PDLIM1: variants seen among roughly 807,000 people sequenced by gnomAD.
PDLIM1 encodes the protein PDZ and LIM domain 1.
Under a neutral mutation model 35.2 loss-of-function variants are expected in PDLIM1, and 25 were observed. The observed-to-expected ratio is 0.71, with a 90% confidence interval of 0.52 to 0.99. The LOEUF (loss-of-function observed/expected upper bound fraction) is 0.99, where lower values mean the gene tolerates loss of function less well. PDLIM1 is among the 50% of genes least tolerant of loss of function. The pLI, the probability that PDLIM1 is intolerant of heterozygous loss-of-function variation, is 0.00. For missense variants in PDLIM1, 363 were observed against 415.3 expected, an observed-to-expected ratio of 0.87 and a Z score of 1.09; for synonymous variants, 152 against 154.0, an observed-to-expected ratio of 0.99 and a Z score of 0.10.
chr10:95,265,973 A>C (rs1238755771), intron 3 of PDLIM1, among the ~76,000 whole-genome samples: 1 of 151,998 alleles, frequency 6.6e-6, no homozygotes, highest in East Asian at 1.9e-4. Context: ...CCAACGCAAG[A>C]GGATCACCTG....
intron 4 of PDLIM1, among the ~76,000 whole-genome samples, chr10:95,261,457 G>A (rs371134542): frequency 1.2e-3 from 179 of 152,254 alleles, no homozygotes; most frequent in African/African-American, 4.1e-3. Context: ...TCCTCTCAGG[G>A]TGTGTCTGTG....
chr10:95,285,363 T>G (rs1314359237), intron 1 of PDLIM1, among the ~76,000 whole-genome samples: 1 of 152,252 alleles, frequency 6.6e-6, no homozygotes, highest in Middle Eastern at 3.4e-3. Flanking sequence ...TTATCCCTCA[T>G]GTTGAAGCCT....
chr10:95,268,658 A>T, intron 3 of PDLIM1, 120 bp downstream of exon 3: 1 of 720,520 alleles, frequency 1.4e-6, no homozygotes, highest in Admixed American at 2.0e-5. Flanking sequence ...ACCAGCAGAG[A>T]CAGTGAAGGG....
chr10:95,247,345 T>C lies in PDLIM1; in HGVS notation c.555A>G (p.Pro185=). 6.2e-7 allele frequency: 1 copy of C among 1,614,072 alleles called. No homozygotes were observed. Among genetic ancestry groups the C allele is most frequent in the Non-Finnish European group, 8.5e-7 (1 of 1,179,948 alleles). Residue 185 remains proline (P), a synonymous_variant, in exon 5 of 7, where the codon CCA becomes CCG. Transcript: ENST00000329399. ...ATTCTTTGTCGATGACAAGGCTGCTTGGAGGCTGAGCATGGTCTAAGCTGT... is the reference window on the plus strand; with the variant it reads ...ATTCTTTGTCGATGACAAGGCTGCTCGGAGGCTGAGCATGGTCTAAGCTGT... ...NSRPLDHAQP[P]SSLVIDKESE... is the part of the protein sequence containing the mutation.
In PDLIM1 at chr10:95,243,521, C is replaced by T. The variant is rs45549139; in HGVS notation, c.685+3694G>A. ...AAGCTCATGATTCTTAACCTTGCAC[C>T]TGGTGGTCCCCCATATCTAACTCGA... is the stretch of plus-strand genomic sequence containing the variant. On this transcript the variant is annotated intron_variant, in intron 5 of 6. Coordinates refer to ENST00000329399, the MANE Select transcript of PDLIM1 (RefSeq NM_020992.4). 4.9e-4 allele frequency among the ~76,000 whole-genome samples: 74 copies of T among 152,236 alleles called. 1 individual carries two copies. Among genetic ancestry groups the T allele is most frequent in the African/African-American group, 1.7e-3 (72 of 41,536 alleles).
chr10:95,258,656 G>A (rs1470011937), intron 4 of PDLIM1, among the ~76,000 whole-genome samples: 1 of 152,126 alleles, frequency 6.6e-6, no homozygotes, highest in East Asian at 1.9e-4. Context: ...TGGTTGCTAG[G>A]GGCTTGAGAG....
chr10:95,272,707 G>A (rs1589517037), intron 1 of PDLIM1, among the ~76,000 whole-genome samples: 1 of 151,948 alleles, frequency 6.6e-6, no homozygotes, highest in South Asian at 2.1e-4. Flanking sequence ...AAAAAAAATT[G>A]TTAAAAGCAA....
At position 95,248,886 on chromosome 10, in the gene PDLIM1, T is replaced by C. The variant is rs537172437; in HGVS notation, c.534-1520A>G. ...GTGTTGTCATGGCTCCCATGCTTCATCCAGGTCTCTGCTCAAGTGCACTCC... is the reference window on the plus strand; with the variant it reads ...GTGTTGTCATGGCTCCCATGCTTCACCCAGGTCTCTGCTCAAGTGCACTCC... On this transcript the variant is annotated intron_variant, in intron 4 of 6. Coordinates refer to ENST00000329399, the MANE Select transcript of PDLIM1 (RefSeq NM_020992.4). 3.3e-5 allele frequency among the ~76,000 whole-genome samples: 5 copies of C among 152,332 alleles called. No homozygotes were observed. The East Asian group carries it at 5.8e-4, about 18-fold the overall frequency.
At chr10:95,238,737 T>C (rs1718835974) in intron 5 of PDLIM1, 52 bp from the exon 6 acceptor site, 2 of 1,106,298 alleles carry the variant, frequency 1.8e-6, no homozygotes, top group African/African-American at 3.1e-5. Context: ...ATTGCATAAG[T>C]ATCACTCAGC....
At chr10:95,283,156 C>T (rs1188747918) in intron 1 of PDLIM1, among the ~76,000 whole-genome samples, 4 of 152,190 alleles carry the variant, frequency 2.6e-5, no homozygotes, top group African/African-American at 9.7e-5. Flanking sequence ...AATGAGACTG[C>T]ATTTGTAAAG....
At chr10:95,241,572 C>T (rs1034179807) in intron 5 of PDLIM1, among the ~76,000 whole-genome samples, 2 of 152,178 alleles carry the variant, frequency 1.3e-5, no homozygotes, top group African/African-American at 4.8e-5. Flanking sequence ...CACAGGGCAG[C>T]CCCACAACAA....
chr10:95,270,185 T>C (rs928906717), intron 2 of PDLIM1, among the ~76,000 whole-genome samples: 5 of 151,924 alleles, frequency 3.3e-5, no homozygotes, highest in Admixed American at 6.6e-5. Context: ...TGGACAAAGA[T>C]AGAAATGGAG....
intron 4 of PDLIM1, among the ~76,000 whole-genome samples, chr10:95,260,835 A>C (rs2035355216): frequency 6.6e-6 from 1 of 152,216 alleles, no homozygotes; most frequent in Non-Finnish European, 1.5e-5. Flanking sequence ...ACTTGTGCTG[A>C]CTGAGCAAGC....
At chr10:95,280,143 G>A (rs577534029) in intron 1 of PDLIM1, among the ~76,000 whole-genome samples, 3 of 152,286 alleles carry the variant, frequency 2.0e-5, no homozygotes, top group Admixed American at 2.0e-4. Context: ...TGGGAGGCCA[G>A]GGTGGGTGGA....
intron 4 of PDLIM1, among the ~76,000 whole-genome samples, chr10:95,262,039 T>C (rs1198522406): frequency 3.3e-5 from 5 of 151,340 alleles, no homozygotes; most frequent in Non-Finnish European, 7.4e-5. Context: ...AAAGAAATCT[T>C]AGTGTCCTCT....
intron 1 of PDLIM1, among the ~76,000 whole-genome samples, chr10:95,285,845 A>G (rs1384055314): frequency 2.0e-5 from 3 of 152,214 alleles, no homozygotes; most frequent in Non-Finnish European, 4.4e-5. Flanking sequence ...TGGTCTTAGA[A>G]TGGTGCCTGG....
chr10:95,265,211 T>TA lies in PDLIM1; in HGVS notation c.334-1149dup, dbSNP rs11353674. Among the ~76,000 whole-genome samples the TA allele has an allele frequency of 2.8e-3, 418 of 148,932 alleles. 3 individuals carry two copies. Among genetic ancestry groups the TA allele is most frequent in the African/African-American group, 7.4e-3 (303 of 40,672 alleles). On this transcript the variant is annotated intron_variant, in intron 3 of 6. Transcript: ENST00000329399. Reference sequence around the variant, plus strand: ...AATATTCAAGTCTTTTATGCTTTCTTAAAAAAAAAAAATCATGAAAACTAA... The same window carrying TA: ...AATATTCAAGTCTTTTATGCTTTCTTAAAAAAAAAAAAATCATGAAAACTAA...
chr10:95,289,943 G>T (rs1365769329), intron 1 of PDLIM1, among the ~76,000 whole-genome samples: 1 of 152,220 alleles, frequency 6.6e-6, no homozygotes, highest in South Asian at 2.1e-4. Flanking sequence ...CAGATTAAAT[G>T]GCCAAAGCCC....
chr10:95,282,821 G>A (rs1197739836), intron 1 of PDLIM1, among the ~76,000 whole-genome samples: 6 of 152,184 alleles, frequency 3.9e-5, no homozygotes, highest in African/African-American at 1.4e-4. Flanking sequence ...GCGCACGCTT[G>A]TAATCTCAGC....
Sources: gnomAD v4.1 joint callset for allele counts (sites outside exome capture counted in the v4.1 genomes callset) on GRCh38, gnomAD v4.1.1 for gene constraint, MANE v1.5 for transcripts, NCBI Gene and HGNC (gene_info 2026-07-23, HGNC 2026-07-21) for gene names.